TBC1D1: variants seen among roughly 807,000 people sequenced by gnomAD.
TBC1D1 encodes the protein TBC1 (tre-2/USP6, BUB2, cdc16) domain family, member 1.
A neutral mutation model predicts 125.6 loss-of-function variants in TBC1D1; 89 were observed. That is an observed-to-expected ratio of 0.71 (90% CI 0.60 to 0.85). The LOEUF is 0.85. TBC1D1 is among the 40% of genes least tolerant of loss of function. The pLI, the probability that TBC1D1 is intolerant of heterozygous loss-of-function variation, is 0.00. For synonymous variants in TBC1D1, 565 were observed against 564.1 expected, an observed-to-expected ratio of 1.00 and a Z score of -0.02; for missense variants, 1,377 against 1,469.2, an observed-to-expected ratio of 0.94 and a Z score of 1.03.
chr4:38,074,202 TAACC>T (rs1755176679), intron 12 of TBC1D1, among the ~76,000 whole-genome samples: 1 of 152,168 alleles, frequency 6.6e-6, no homozygotes. Context: ...CAAAAACCTC[TAACC>T]AACCATACTG....
In TBC1D1 at chr4:38,137,408, G is replaced by T; in HGVS notation, c.*73G>T. On this transcript the variant is annotated 3_prime_UTR_variant, in exon 20 of 20. Transcript: ENST00000261439. The stretch of plus-strand genomic sequence containing the variant: ...TAACTGAGAGGGACAGAAGACGCTG[G>T]AAGGAGAGAAGGAAGCGGGAAGTGT... 1 of 1,349,972 alleles carries T rather than the reference G, an allele frequency of 7.4e-7. No individual in the cohort carries two copies. The highest frequency in any genetic ancestry group is 9.6e-7 in the Non-Finnish European group (1 of 1,045,704). 83.6% of individuals were successfully genotyped at this position (1,349,972 alleles called of 1,614,324 possible).
At chr4:37,910,850 T>G (rs984919838) in intron 2 of TBC1D1, among the ~76,000 whole-genome samples, 1 of 152,096 alleles carries the variant, frequency 6.6e-6, no homozygotes, top group Non-Finnish European at 1.5e-5. Flanking sequence ...GATACCCCAT[T>G]TATCCTGATG....
chr4:37,924,150 G>A (rs557612202), intron 2 of TBC1D1, among the ~76,000 whole-genome samples: 21 of 152,030 alleles, frequency 1.4e-4, no homozygotes, highest in Non-Finnish European at 1.8e-4. Flanking sequence ...CAAGCCCTGC[G>A]CTCTAACTGG....
chr4:37,955,972 A>G (rs1216091300), intron 2 of TBC1D1, among the ~76,000 whole-genome samples: 1 of 152,076 alleles, frequency 6.6e-6, no homozygotes, highest in African/African-American at 2.4e-5. Context: ...CCTTGTCTCT[A>G]TTTAAAAAAT....
chr4:37,902,996 T>C (rs758661542), intron 2 of TBC1D1, among the ~76,000 whole-genome samples: 22 of 152,222 alleles, frequency 1.4e-4, no homozygotes, highest in Admixed American at 3.3e-4. Context: ...TCCACATTTG[T>C]AATCCTATTA....
intron 12 of TBC1D1, among the ~76,000 whole-genome samples, chr4:38,089,183 G>T (rs1758025731): frequency 6.6e-6 from 1 of 152,162 alleles, no homozygotes; most frequent in Non-Finnish European, 1.5e-5. Flanking sequence ...CTTACTCACT[G>T]TATGACCTTG....
chr4:38,125,403 G>T (rs1238853105), intron 18 of TBC1D1, among the ~76,000 whole-genome samples: 1 of 152,188 alleles, frequency 6.6e-6, no homozygotes, highest in East Asian at 1.9e-4. Flanking sequence ...ACATTTAAGA[G>T]ACTTCAGCTC....
At chr4:38,048,541 C>G (rs1285328685) in intron 10 of TBC1D1, among the ~76,000 whole-genome samples, 1 of 131,892 alleles carries the variant, frequency 7.6e-6, no homozygotes, top group African/African-American at 2.7e-5. Context: ...AAACACATTT[C>G]TTTTTTTTTT....
chr4:38,107,309 C>T (rs1020074361), intron 15 of TBC1D1, among the ~76,000 whole-genome samples: 3 of 152,242 alleles, frequency 2.0e-5, no homozygotes, highest in Non-Finnish European at 2.9e-5. Flanking sequence ...TTACCTCCCC[C>T]ACTCCTCTCA....
At position 38,124,950 on chromosome 4, in the gene TBC1D1, G is replaced by A. The variant is rs577231806; in HGVS notation, c.2963-12G>A. 1.9e-6 allele frequency: 3 copies of A among 1,612,432 alleles called. No individual in the cohort carries two copies. The highest frequency in any genetic ancestry group is 2.5e-6 in the Non-Finnish European group (3 of 1,179,158). On this transcript the variant is annotated splice_polypyrimidine_tract_variant and intron_variant, in intron 17 of 19. Coordinates refer to ENST00000261439, the MANE Select transcript of TBC1D1 (RefSeq NM_015173.4). The stretch of plus-strand genomic sequence containing the variant: ...GTCTGGTTTAACTTTCTGCATTTCT[G>A]TGTTTTCTCAGATATGATTTTTCTT...
At chr4:38,109,113 C>G (rs1195009340) in intron 15 of TBC1D1, among the ~76,000 whole-genome samples, 1 of 152,188 alleles carries the variant, frequency 6.6e-6, no homozygotes, top group Non-Finnish European at 1.5e-5. Flanking sequence ...ACCTTCATGG[C>G]AAAAGACAGA....
rs537066747 is a variant in TBC1D1, at chr4:37,925,177, T to C, written c.417+22665T>C. On this transcript the variant is annotated intron_variant, in intron 2 of 19. Coordinates refer to ENST00000261439, the MANE Select transcript of TBC1D1 (RefSeq NM_015173.4). ...ACACAGTCACACGTCATACCTAGTG[T>C]TCTCTCCCGTGAATTCGAAGAAAGT... is the stretch of plus-strand genomic sequence containing the variant. 2.3e-4 allele frequency among the ~76,000 whole-genome samples: 35 copies of C among 152,316 alleles called. 1 individual carries two copies. In the South Asian group the frequency reaches 7.0e-3, roughly 31 times the overall value.
intron 12 of TBC1D1, 57 bp downstream of exon 14, chr4:38,054,395 G>A (rs1751291250): frequency 1.2e-6 from 2 of 1,605,720 alleles, no homozygotes; most frequent in Non-Finnish European, 1.7e-6. Flanking sequence ...GAGGACCCTG[G>A]GAGCCCCATC....
chr4:38,086,840 T>G (rs1192380502), intron 12 of TBC1D1, among the ~76,000 whole-genome samples: 1 of 152,230 alleles, frequency 6.6e-6, no homozygotes, highest in African/African-American at 2.4e-5. Flanking sequence ...TCAGACTTGC[T>G]GAATCAAAAT....
At chr4:37,990,555 A>G (rs946197991) in intron 2 of TBC1D1, among the ~76,000 whole-genome samples, 6 of 152,218 alleles carry the variant, frequency 3.9e-5, no homozygotes, top group African/African-American at 1.4e-4. Context: ...AAATATTGCT[A>G]GTACATCTAA....
Position 38,033,153 on chromosome 4 carries a change from G to C in TBC1D1, c.1303-2435G>C, listed in dbSNP as rs182695130. ...TTCTTTTAAAAGTGTATTTTGAGGG[G>C]AAAAATATATTAATACTCCTCCTCT... On this transcript the variant is annotated intron_variant, in intron 7 of 19. Transcript: ENST00000261439. Among the ~76,000 whole-genome samples, 795 of 152,194 alleles carry C rather than the reference G, an allele frequency of 5.2e-3. 8 individuals carry two copies. The highest frequency in any genetic ancestry group is 0.018 in the African/African-American group (763 of 41,518).
Position 38,121,694 on chromosome 4 carries a change from TTTTTGTTTTG to T in TBC1D1, c.2963-3248_2963-3239del, listed in dbSNP as rs540636962. On this transcript the variant is annotated intron_variant, in intron 17 of 19. Coordinates refer to ENST00000261439, the MANE Select transcript of TBC1D1 (RefSeq NM_015173.4). ...CACTTTTCCAAGGAGAGTTATTGTT[TTTTTGTTTTG>T]TTTTGTTTTGTTTTGTTTTAAAAAA... Among the ~76,000 whole-genome samples the T allele has an allele frequency of 4.7e-4, 71 of 152,284 alleles. 2 individuals carry two copies. Among genetic ancestry groups the T allele is most frequent in the Middle Eastern group, 6.8e-3 (2 of 294 alleles).
chr4:37,919,971 G>A (rs1720585056), intron 2 of TBC1D1, among the ~76,000 whole-genome samples: 1 of 152,164 alleles, frequency 6.6e-6, no homozygotes, highest in South Asian at 2.1e-4. Context: ...AAATGAGCCG[G>A]GCGTGGTGGC....
At position 38,115,571 on chromosome 4, in the gene TBC1D1, G is replaced by A. The variant is rs1762850930; in HGVS notation, c.2558-139G>A. ...TAACTGGTGGACTTCGTTTGCAGAG[G>A]AAGTGGCAAAGACTGATTGATATTA... On this transcript the variant is annotated intron_variant, in intron 15 of 19. Transcript: ENST00000261439. 3.7e-6 allele frequency: 3 copies of A among 805,646 alleles called. No individual in the cohort carries two copies. In the African/African-American group the frequency reaches 5.2e-5, roughly 14 times the overall value. 49.9% of individuals were successfully genotyped at this position (805,646 alleles called of 1,614,324 possible).
Sources: allele counts gnomAD v4.1 joint callset (sites outside exome capture counted in the v4.1 genomes callset), GRCh38; gene constraint gnomAD v4.1.1; transcripts MANE v1.5; gene names NCBI Gene and HGNC (gene_info 2026-07-23, HGNC 2026-07-21).